Variants in SYN3 observed in about 807,000 individuals in gnomAD.
SYN3 encodes the protein synapsin-3.
In SYN3, 35 loss-of-function variants were observed where a neutral mutation model predicts 65.8. The ratio of observed to expected loss-of-function variants is 0.53; its 90% CI spans 0.41 to 0.70. The LOEUF (loss-of-function observed/expected upper bound fraction) is 0.70, where lower values mean the gene tolerates loss of function less well. Among genes scored for constraint, SYN3 ranks in the 30% least tolerant of loss-of-function variants. The pLI is 0.00. For synonymous variants in SYN3, 270 were observed against 292.9 expected, an observed-to-expected ratio of 0.92 and a Z score of 0.80; for missense variants, 680 against 749.0, an observed-to-expected ratio of 0.91 and a Z score of 1.08.
intron 6 of SYN3, among the ~76,000 whole-genome samples, chr22:32,742,055 C>T (rs771715135): frequency 2.6e-5 from 4 of 151,962 alleles, no homozygotes; most frequent in Non-Finnish European, 4.4e-5. Context: ...AGGCGGATCA[C>T]GAGGTCAGGA....
chr22:32,843,253 C>G (rs747787916), intron 6 of SYN3, among the ~76,000 whole-genome samples: 1 of 152,194 alleles, frequency 6.6e-6, no homozygotes. Flanking sequence ...AAGAGGCATT[C>G]GATAAATGGT....
chr22:32,695,554 G>A (rs998074835), intron 6 of SYN3, among the ~76,000 whole-genome samples: 2 of 152,284 alleles, frequency 1.3e-5, no homozygotes, highest in Non-Finnish European at 2.9e-5. Context: ...ATGAGTATGA[G>A]GTCAGTGTGG....
chr22:32,686,836 C>G (rs2060596585), intron 6 of SYN3, among the ~76,000 whole-genome samples: 2 of 152,128 alleles, frequency 1.3e-5, no homozygotes, highest in African/African-American at 4.8e-5. Flanking sequence ...CTCAGGTGAT[C>G]CGCCTGCCTC....
intron 6 of SYN3, among the ~76,000 whole-genome samples, chr22:32,758,705 T>TATATATATATATATATATA (rs1277216646): frequency 1.4e-3 from 153 of 109,566 alleles, no homozygotes; most frequent in Non-Finnish European, 2.1e-3. Flanking sequence ...TATATATGTC[T>TATATATATATATATATATA]TATTAGTTCT....
intron 6 of SYN3, among the ~76,000 whole-genome samples, chr22:32,792,587 A>G (rs1028746989): frequency 1.3e-5 from 2 of 152,160 alleles, no homozygotes; most frequent in Non-Finnish European, 2.9e-5. Context: ...TTCCTATGGC[A>G]TCTATCAAAA....
chr22:32,779,198 G>A (rs758189222), intron 6 of SYN3, among the ~76,000 whole-genome samples: 2 of 152,202 alleles, frequency 1.3e-5, no homozygotes, highest in African/African-American at 2.4e-5. Flanking sequence ...GGTGGCTCAC[G>A]CCTGTAATCT....
In SYN3 at chr22:32,819,981, T is replaced by TTTTG. The variant is rs199621461; in HGVS notation, c.711+44930_711+44933dup. Among the ~76,000 whole-genome samples the TTTTG allele has an allele frequency of 5.7e-3, 868 of 152,232 alleles. 11 individuals are homozygous for TTTTG. The highest frequency in any genetic ancestry group is 0.018 in the African/African-American group (751 of 41,538). The stretch of plus-strand genomic sequence containing the variant: ...GGCTTCCTGGGAAACCCATTAGCTT[T>TTTTG]TTTGTTTGTTTTAGAGCCCAAGGGA... On this transcript the variant is annotated intron_variant, in intron 6 of 13. Coordinates refer to ENST00000358763, the MANE Select transcript of SYN3 (RefSeq NM_003490.4).
rs78275849 is a variant in SYN3 at position 32,847,261 on chromosome 22, C to T, written c.711+17654G>A. ...ATATGGAGGAAACAGTCCCCGGGGC[C>T]TCCGGGAGGCTGGCTTGTCGCCGAG... On this transcript the variant is annotated intron_variant, in intron 6 of 13. Transcript: ENST00000358763. Among the ~76,000 whole-genome samples, 479 of 152,308 alleles carry T rather than the reference C, an allele frequency of 3.1e-3. 2 individuals are homozygous for T. Among genetic ancestry groups the T allele is most frequent in the African/African-American group, 0.011 (453 of 41,562 alleles).
chr22:32,770,885 T>TGTTCAGC (rs1569211104), intron 6 of SYN3, among the ~76,000 whole-genome samples: 5,301 of 151,804 alleles, frequency 0.035, 317 homozygotes, highest in African/African-American at 0.12. Context: ...ATGTGTTCAG[T>TGTTCAGC]TATTATTATT....
At chr22:32,914,866 T>C (rs1490999381) in intron 4 of SYN3, among the ~76,000 whole-genome samples, 1 of 152,172 alleles carries the variant, frequency 6.6e-6, no homozygotes, top group Non-Finnish European at 1.5e-5. Context: ...TAGAGATTTC[T>C]AAAAGAGTAA....
chr22:32,878,046 T>C (rs2146397718), intron 4 of SYN3, among the ~76,000 whole-genome samples: 1 of 152,324 alleles, frequency 6.6e-6, no homozygotes, highest in Admixed American at 6.5e-5. Context: ...CATAGAGAGA[T>C]GAAGCACAGC....
intron 1 of SYN3, among the ~76,000 whole-genome samples, chr22:33,051,916 G>T (rs539127202): frequency 6.6e-6 from 1 of 152,292 alleles, no homozygotes; most frequent in South Asian, 2.1e-4. Flanking sequence ...AAAAGAAAGC[G>T]TGTATCTTCA....
intron 6 of SYN3, among the ~76,000 whole-genome samples, chr22:32,796,535 C>T (rs144488540): frequency 1.5e-4 from 23 of 152,300 alleles, no homozygotes; most frequent in South Asian, 6.2e-4. Context: ...TGGTGCCAGA[C>T]ACAGAGAGAT....
intron 6 of SYN3, among the ~76,000 whole-genome samples, chr22:32,743,977 T>G (rs2044852471): frequency 6.6e-6 from 1 of 152,020 alleles, no homozygotes; most frequent in South Asian, 2.1e-4. Context: ...AGCAAATGAA[T>G]TTTCAGAGAG....
chr22:32,913,586 C>T (rs887106338), intron 4 of SYN3, among the ~76,000 whole-genome samples: 3 of 151,994 alleles, frequency 2.0e-5, no homozygotes, highest in African/African-American at 7.2e-5. Context: ...TTGCTGGGCT[C>T]TTAGGGGCAA....
chr22:32,915,421 G>A (rs1397065109), intron 4 of SYN3, among the ~76,000 whole-genome samples: 2 of 152,210 alleles, frequency 1.3e-5, no homozygotes, highest in Admixed American at 6.5e-5. Context: ...GAACATATAA[G>A]CAAGCATAGC....
In SYN3 at chr22:32,527,921, G is replaced by T. The variant is rs1358360875; in HGVS notation, c.1315C>A (p.Gln439Lys). Reference protein sequence around the residue: ...LGQPQPRPPPQGGPRQAQSPQ... With the variant: ...LGQPQPRPPPKGGPRQAQSPQ... ...AGTGGCTCGTCCTGGGTCATACCTT[G>T]CGGAGGTGGGCGTGGCTGGGGCTGG... Residue 439 changes from glutamine (Q) to lysine (K), a missense_variant, in exon 12 of 14, where the codon CAA becomes AAA. Coordinates refer to ENST00000358763, the MANE Select transcript of SYN3 (RefSeq NM_003490.4). 1.3e-6 allele frequency: 2 copies of T among 1,586,896 alleles called. No homozygotes were observed. The highest frequency in any genetic ancestry group is 1.7e-5 in the Admixed American group (1 of 57,146).
rs980382973 is a variant in SYN3, at chr22:32,869,068, C to T, written c.519G>A (p.Leu173=). The T allele has an allele frequency of 1.2e-6, 2 of 1,614,000 alleles. No individual in the cohort carries two copies. The highest frequency in any genetic ancestry group is 2.2e-5 in the East Asian group (1 of 44,882). ...LVRQHAYSMA[L]GEDYRSLVIG... ...TGACCAGGCTGCGGTAGTCTTCCCCCAGGGCCATGCTGTAGGCATGCTGGC... is the reference window on the plus strand; with the variant it reads ...TGACCAGGCTGCGGTAGTCTTCCCCTAGGGCCATGCTGTAGGCATGCTGGC... The change falls in exon 5 of 14, where the codon CTG becomes CTA. Residue 173 remains leucine, a synonymous_variant. Coordinates refer to ENST00000358763, the MANE Select transcript of SYN3 (RefSeq NM_003490.4).
At chr22:32,830,785 C>T (rs77987111) in intron 6 of SYN3, among the ~76,000 whole-genome samples, 34 of 152,256 alleles carry the variant, frequency 2.2e-4, no homozygotes, top group Non-Finnish European at 3.8e-4. Context: ...ATCCGCCTCA[C>T]GCTTCTCTGT....
Sources: allele counts gnomAD v4.1 joint callset (sites outside exome capture counted in the v4.1 genomes callset), GRCh38; gene constraint gnomAD v4.1.1; transcripts MANE v1.5; gene names NCBI Gene and HGNC (gene_info 2026-07-23, HGNC 2026-07-21).